Variants in FAM110A observed in about 807,000 individuals in gnomAD.
FAM110A encodes the protein protein FAM110A.
A neutral mutation model predicts 4.0 loss-of-function variants in FAM110A; 1 was observed. The observed-to-expected ratio is 0.25, with a 90% CI of 0.09 to 1.20. FAM110A has a LOEUF of 1.20. Ranked by LOEUF, FAM110A falls within the 50% of genes most tolerant of loss-of-function variation. The pLI is 0.50. For missense variants in FAM110A, 436 were observed against 429.2 expected, an observed-to-expected ratio of 1.02 and a Z score of -0.14; for synonymous variants, 217 against 196.8, an observed-to-expected ratio of 1.10 and a Z score of -0.86.
intron 1 of FAM110A, among the ~76,000 whole-genome samples, chr20:841,047 C>T (rs1979861850): frequency 6.6e-6 from 1 of 152,198 alleles, no homozygotes; most frequent in Admixed American, 6.5e-5. Context: ...ACCCCGCGCG[C>T]CAGGTGTGCG....
rs752710189 is a variant in FAM110A, at chr20:845,091, C to G, written c.287C>G (p.Pro96Arg). 6.3e-7 allele frequency: 1 copy of G among 1,597,302 alleles called. No homozygotes were observed. Residue 96 changes from proline to arginine, a missense_variant, in exon 2 of 2, where the codon CCC (proline) becomes CGC (arginine). Pro to Arg is a moderately radical substitution (Grantham distance 103). Coordinates refer to ENST00000381941, the MANE Select transcript of FAM110A (RefSeq NM_001042353.3). ...LTPSRRALPG[P>R]CRRPQLDLDI... is the part of the protein sequence containing the mutation. ...CCCAGCCGCCGAGCCCTGCCTGGCC[C>G]CTGCCGACGGCCCCAGCTGGACCTG...
In FAM110A at chr20:845,623, C is replaced by T. The variant is rs566352996; in HGVS notation, c.819C>T (p.Arg273=). ...CCTATGGCGTGTCGGTGGTGGAGCG[C>T]AATGCCCGCGTGATCAAGTGGTTGT... ...RVPYGVSVVE[R]NARVIKWLYG... is the part of the protein sequence containing the mutation. The change falls in exon 2 of 2, where the codon CGC becomes CGT. Residue 273 remains arginine (R), a synonymous_variant. Transcript: ENST00000381941. 1 of 1,614,102 alleles carries T rather than the reference C, an allele frequency of 6.2e-7. No homozygotes were observed. The highest frequency in any genetic ancestry group is 8.5e-7 in the Non-Finnish European group (1 of 1,180,024).
At position 845,899 on chromosome 20, in the gene FAM110A, T is replaced by A; in HGVS notation, c.*207T>A. 9.2e-7 allele frequency: 1 copy of A among 1,091,814 alleles called. No homozygotes were observed. Among genetic ancestry groups the A allele is most frequent in the Non-Finnish European group, 1.3e-6 (1 of 779,890 alleles). The allele number at this position is 1,091,814 out of a possible 1,614,324, so 67.6% of individuals were successfully genotyped here. A position where few individuals can be genotyped will look rare whatever the true frequency, so the allele number is the denominator to read the frequency against. On this transcript the variant is annotated 3_prime_UTR_variant, in exon 2 of 2. Transcript: ENST00000381941. ...GGTTTTGTTCTTGGCTTTGGACACC[T>A]GAGAACCCCCTCCTCCCCTCCCCCA...
At chr20:844,657 T>C (rs1568789043) in intron 1 of FAM110A, 51 bp from the exon 2 acceptor site, 2 of 1,271,720 alleles carry the variant, frequency 1.6e-6, no homozygotes, top group Non-Finnish European at 2.0e-6. Flanking sequence ...CTGAGCCTCT[T>C]TGTCTGAGCG....
At chr20:843,675 C>A (rs909203374) in intron 1 of FAM110A, among the ~76,000 whole-genome samples, 26 of 152,236 alleles carry the variant, frequency 1.7e-4, no homozygotes, top group African/African-American at 4.8e-4. Context: ...GTCCCATCTC[C>A]AAGGGGCCTT....
intron 1 of FAM110A, among the ~76,000 whole-genome samples, chr20:835,192 C>CTATA (rs1282809206): frequency 2.4e-4 from 30 of 126,180 alleles, no homozygotes; most frequent in African/African-American, 5.5e-4. Flanking sequence ...CTCTCTCTCT[C>CTATA]TCTCTCTCTA....
At position 845,044 on chromosome 20, in the gene FAM110A, G is replaced by C. The variant is rs1274465465; in HGVS notation, c.240G>C (p.Glu80Asp). The change falls in exon 2 of 2, where the codon GAG (glutamate) becomes GAC (aspartate). Residue 80 changes from glutamate to aspartate, a missense_variant. Coordinates refer to ENST00000381941, the MANE Select transcript of FAM110A (RefSeq NM_001042353.3). Reference protein sequence around the residue: ...LLSKQPLFSPETRRTVLTPSR... With the variant: ...LLSKQPLFSPDTRRTVLTPSR... ...CCAAACAGCCGCTCTTTAGCCCTGA[G>C]ACTCGCCGCACAGTGCTCACGCCCA... 1.3e-6 allele frequency: 2 copies of C among 1,593,218 alleles called. No homozygotes were observed. Among genetic ancestry groups the C allele is most frequent in the South Asian group, 1.1e-5 (1 of 88,162 alleles).
chr20:844,571 C>A, intron 1 of FAM110A, 137 bp from the exon 2 acceptor site: 1 of 488,932 alleles, frequency 2.0e-6, no homozygotes, highest in Non-Finnish European at 3.3e-6. Flanking sequence ...TGCCTTGTGC[C>A]TGCTGATTGG....
In FAM110A at chr20:846,029, C is replaced by A; in HGVS notation, c.*337C>A. The A allele has an allele frequency of 3.2e-6, 1 of 315,552 alleles. No individual in the cohort carries two copies. The allele number at this position is 315,552 out of a possible 1,614,324, so 19.5% of individuals were successfully genotyped here. On this transcript the variant is annotated 3_prime_UTR_variant, in exon 2 of 2. Coordinates refer to ENST00000381941, the MANE Select transcript of FAM110A (RefSeq NM_001042353.3). ...TGTGAGTGAGGGGCCAAGGGATCTC[C>A]TCAATCCTGTCTCCCCAGCGGCTCT...
chr20:839,569 T>C, intron 1 of FAM110A: 1 of 997,214 alleles, frequency 1.0e-6, no homozygotes, highest in South Asian at 1.3e-5. Context: ...CGTCTGTAGG[T>C]ATCTCTGTCA....
chr20:841,937 C>T (rs62187464), intron 1 of FAM110A, among the ~76,000 whole-genome samples: 4 of 152,208 alleles, frequency 2.6e-5, no homozygotes, highest in Non-Finnish European at 5.9e-5. Flanking sequence ...GACAGACCCT[C>T]GTGGGGCTTG....
chr20:839,560 G>T, intron 1 of FAM110A: 2 of 1,001,344 alleles, frequency 2.0e-6, no homozygotes, highest in Non-Finnish European at 3.2e-6. Context: ...ACAGAACACC[G>T]TCTGTAGGTA....
rs760576004 is a variant in FAM110A, at chr20:845,194, C to T, written c.390C>T (p.Ala130=). 7 of 1,562,220 alleles carry T rather than the reference C, an allele frequency of 4.5e-6. No homozygotes were observed. The African/African-American group carries it at 5.5e-5, about 12-fold the overall frequency. ...AGGCCAGCCGCACTCCTGGACGGGC[C>T]GAGGGAGCCGGCCGTCCTCCCCCAG... ...PAEASRTPGR[A]EGAGRPPPAT... Residue 130 remains alanine (A), a synonymous_variant, in exon 2 of 2, where the codon GCC becomes GCT. Transcript: ENST00000381941.
chr20:844,467 T>C (rs1161355147), intron 1 of FAM110A, among the ~76,000 whole-genome samples: 2 of 152,044 alleles, frequency 1.3e-5, no homozygotes, highest in African/African-American at 4.8e-5. Context: ...CTTTTTTCTC[T>C]AGCACCTTTT....
At chr20:842,913 T>C (rs1234356393) in intron 1 of FAM110A, among the ~76,000 whole-genome samples, 3 of 152,104 alleles carry the variant, frequency 2.0e-5, no homozygotes, top group African/African-American at 7.2e-5. Flanking sequence ...TAAATTTTTA[T>C]TGAATATTCT....
intron 1 of FAM110A, among the ~76,000 whole-genome samples, chr20:836,374 T>G (rs916802662): frequency 6.6e-6 from 1 of 152,210 alleles, no homozygotes; most frequent in Non-Finnish European, 1.5e-5. Context: ...CTCCCCCCAG[T>G]GCCTGGCAAT....
At position 845,827 on chromosome 20, in the gene FAM110A, G is replaced by T. The variant is rs1042429118; in HGVS notation, c.*135G>T. The T allele has an allele frequency of 2.7e-6, 4 of 1,467,040 alleles. No homozygotes were observed. The Admixed American group carries it at 7.8e-5, about 29-fold the overall frequency. The allele number at this position is 1,467,040 out of a possible 1,614,324, so 90.9% of individuals were successfully genotyped here. A position where few individuals can be genotyped will look rare whatever the true frequency, so the allele number is the denominator to read the frequency against. ...TTGTGAACTTGGTATGGAGGCAAAG[G>T]CTTAGAGGCTGGACCAGCATTGTTG... On this transcript the variant is annotated 3_prime_UTR_variant, in exon 2 of 2. Coordinates refer to ENST00000381941, the MANE Select transcript of FAM110A (RefSeq NM_001042353.3).
chr20:839,806 C>G (rs1001651615), intron 1 of FAM110A: 15 of 1,580,316 alleles, frequency 9.5e-6, no homozygotes, highest in Non-Finnish European at 1.3e-5. Flanking sequence ...TGTTCCTTCA[C>G]GCAGCCCCGG....
chr20:845,706 T>C lies in FAM110A; in HGVS notation c.*14T>C, dbSNP rs754955051. On this transcript the variant is annotated 3_prime_UTR_variant, in exon 2 of 2. Coordinates refer to ENST00000381941, the MANE Select transcript of FAM110A (RefSeq NM_001042353.3). Reference sequence around the variant, plus strand: ...GCTGAAGGCTAGGCGCCACTGGGCCTGGAATTCGCCACAGGACGGATCTTA... The same window carrying C: ...GCTGAAGGCTAGGCGCCACTGGGCCCGGAATTCGCCACAGGACGGATCTTA... 3 of 1,613,718 alleles carry C rather than the reference T, an allele frequency of 1.9e-6. No homozygotes were observed. The highest frequency in any genetic ancestry group is 2.5e-6 in the Non-Finnish European group (3 of 1,179,918).
Sources: gnomAD v4.1 joint callset for allele counts (sites outside exome capture counted in the v4.1 genomes callset) on GRCh38, gnomAD v4.1.1 for gene constraint, MANE v1.5 for transcripts, NCBI Gene and HGNC (gene_info 2026-07-23, HGNC 2026-07-21) for gene names.